The following NR2F1-AS1 variants were observed in gnomAD, a reference collection of about 807,000 sequenced individuals.
The protein encoded by NR2F1-AS1 is NR2F1 antisense RNA 1.
In NR2F1-AS1 at chr5:93,496,797, T is replaced by C. The variant is rs139997086; in HGVS notation, n.638+56964A>G. On this transcript the variant is annotated intron_variant and non_coding_transcript_variant, in intron 4 of 5. Transcript: ENST00000660523. ...ATAACAACTTTTCTCCTGAATCTAA[T>C]CCTTTTATAGGAGTCAGCATTCTTG... Among the ~76,000 whole-genome samples the C allele has an allele frequency of 7.9e-4, 121 of 152,338 alleles. 4 individuals carry two copies. The South Asian group carries it at 0.021, about 26-fold the overall frequency.
chr5:93,542,827 C>G (rs1751984042), intron 4 of NR2F1-AS1: 1 of 152,198 alleles, frequency 6.6e-6, no homozygotes, highest in Non-Finnish European at 1.5e-5. Context: ...TGTAAGGTGG[C>G]ACATAGACCA....
At chr5:93,543,585 T>C (rs910387455) in intron 4 of NR2F1-AS1, 1 of 151,942 alleles carries the variant, frequency 6.6e-6, no homozygotes, top group Non-Finnish European at 1.5e-5. Flanking sequence ...CCAGCATGCA[T>C]GAAATGGTGA....
chr5:93,438,009 G>T (rs934112561), intron 4 of NR2F1-AS1, among the ~76,000 whole-genome samples: 11 of 152,102 alleles, frequency 7.2e-5, no homozygotes, highest in African/African-American at 2.4e-4. Flanking sequence ...CTGGGTTAGA[G>T]GGTACATTTG....
intron 4 of NR2F1-AS1, among the ~76,000 whole-genome samples, chr5:93,486,582 T>A (rs1240815313): frequency 6.6e-6 from 1 of 152,148 alleles, no homozygotes; most frequent in Non-Finnish European, 1.5e-5. Flanking sequence ...TAACAAGTTC[T>A]GAAATTGCAG....
At chr5:93,511,612 A>G (rs554224621) in intron 4 of NR2F1-AS1, among the ~76,000 whole-genome samples, 2 of 152,278 alleles carry the variant, frequency 1.3e-5, no homozygotes, top group African/African-American at 2.4e-5. Flanking sequence ...ACTACATACA[A>G]TTATGTACAG....
intron 4 of NR2F1-AS1, among the ~76,000 whole-genome samples, chr5:93,446,392 T>C (rs1430796204): frequency 6.6e-6 from 1 of 152,138 alleles, no homozygotes; most frequent in Non-Finnish European, 1.5e-5. Flanking sequence ...TCACAAGCAT[T>C]CCTATACACC....
At chr5:93,542,634 A>G (rs893804927) in intron 4 of NR2F1-AS1, 3 of 152,242 alleles carry the variant, frequency 2.0e-5, no homozygotes, top group Non-Finnish European at 4.4e-5. Context: ...AGCTGACAAG[A>G]TAATGGGGAA....
intron 4 of NR2F1-AS1, among the ~76,000 whole-genome samples, chr5:93,549,708 T>C (rs912714717): frequency 4.6e-5 from 7 of 152,074 alleles, no homozygotes; most frequent in African/African-American, 1.2e-4. Flanking sequence ...TTGTGCAGGA[T>C]TCTCAAATTC....
At chr5:93,463,032 G>A (rs1750132606) in intron 4 of NR2F1-AS1, among the ~76,000 whole-genome samples, 2 of 152,182 alleles carry the variant, frequency 1.3e-5, no homozygotes, top group African/African-American at 2.4e-5. Flanking sequence ...ATAATGAGGA[G>A]CCAAATGTTA....
intron 4 of NR2F1-AS1, among the ~76,000 whole-genome samples, chr5:93,502,983 G>C (rs1022549263): frequency 2.0e-5 from 3 of 152,082 alleles, no homozygotes; most frequent in African/African-American, 7.2e-5. Context: ...TAATTACATT[G>C]TTTACCTATG....
chr5:93,456,958 ACTATTGC>A (rs1388323818), intron 4 of NR2F1-AS1, among the ~76,000 whole-genome samples: 6 of 152,216 alleles, frequency 3.9e-5, no homozygotes, highest in Admixed American at 3.9e-4. Flanking sequence ...TTTAAAGAGC[ACTATTGC>A]CTATTGCCGC....
At chr5:93,516,273 A>G (rs760131278) in intron 4 of NR2F1-AS1, among the ~76,000 whole-genome samples, 12 of 151,858 alleles carry the variant, frequency 7.9e-5, no homozygotes, top group Non-Finnish European at 1.0e-4. Context: ...TATAAGGACA[A>G]ACATGACCTG....
chr5:93,509,642 TAC>T (rs974529071), intron 4 of NR2F1-AS1, among the ~76,000 whole-genome samples: 202 of 152,100 alleles, frequency 1.3e-3, no homozygotes, highest in African/African-American at 4.7e-3. Flanking sequence ...CTTATTTCTT[TAC>T]AACAAAAATA....
chr5:93,559,166 T>C (rs1323350729), intron 2 of NR2F1-AS1, among the ~76,000 whole-genome samples: 1 of 152,268 alleles, frequency 6.6e-6, no homozygotes, highest in African/African-American at 2.4e-5. Flanking sequence ...TCAATGATCT[T>C]AGCTAGATCT....
chr5:93,436,605 A>G (rs1749437509), intron 4 of NR2F1-AS1, among the ~76,000 whole-genome samples: 1 of 152,168 alleles, frequency 6.6e-6, no homozygotes, highest in Non-Finnish European at 1.5e-5. Context: ...TTTCCCATCA[A>G]TGTCTGTTTT....
At chr5:93,501,700 T>C (rs1162859716) in intron 4 of NR2F1-AS1, among the ~76,000 whole-genome samples, 1 of 152,182 alleles carries the variant, frequency 6.6e-6, no homozygotes, top group African/African-American at 2.4e-5. Flanking sequence ...AAGATGCTAT[T>C]ATATGTACAT....
chr5:93,435,541 T>C (rs79475478), intron 4 of NR2F1-AS1, among the ~76,000 whole-genome samples: 18 of 152,342 alleles, frequency 1.2e-4, no homozygotes, highest in African/African-American at 3.8e-4. Flanking sequence ...TAAATGATAG[T>C]AGCCCCTTTG....
intron 4 of NR2F1-AS1, among the ~76,000 whole-genome samples, chr5:93,509,668 C>T (rs1267893324): frequency 3.3e-5 from 5 of 151,838 alleles, no homozygotes; most frequent in Non-Finnish European, 7.4e-5. Context: ...ATAAAGCAAA[C>T]ATGTCAAAAT....
chr5:93,446,689 T>C (rs956427277), intron 4 of NR2F1-AS1, among the ~76,000 whole-genome samples: 2 of 152,256 alleles, frequency 1.3e-5, no homozygotes, highest in Admixed American at 1.3e-4. Context: ...CTTCACAGAA[T>C]TGGAAAAAAC....
Sources: allele counts gnomAD v4.1 joint callset (sites outside exome capture counted in the v4.1 genomes callset), GRCh38; gene constraint gnomAD v4.1.1; transcripts MANE v1.5; gene names NCBI Gene and HGNC (gene_info 2026-07-23, HGNC 2026-07-21).